Variants in ZYG11B observed in about 807,000 individuals in gnomAD.
The protein encoded by ZYG11B is protein zyg-11 homolog B.
Under a neutral mutation model 82.4 loss-of-function variants are expected in ZYG11B, and 36 were observed. The observed-to-expected ratio is 0.44, with a 90% CI of 0.33 to 0.58. The LOEUF is 0.58. Among genes scored for constraint, ZYG11B ranks in the 20% least tolerant of loss-of-function variants. The probability of loss-of-function intolerance (pLI) is 0.02; values close to 1 mark genes in which losing one functional copy is unlikely to be tolerated. For missense variants in ZYG11B, 552 were observed against 895.6 expected, an observed-to-expected ratio of 0.62 and a Z score of 4.90; for synonymous variants, 303 against 312.8, an observed-to-expected ratio of 0.97 and a Z score of 0.33.
intron 4 of ZYG11B, among the ~76,000 whole-genome samples, chr1:52,781,434 G>A (rs1318588928): frequency 6.6e-6 from 1 of 152,124 alleles, no homozygotes; most frequent in East Asian, 1.9e-4. Flanking sequence ...GGGAGGCAGA[G>A]GTTACAGCGA....
At position 52,726,634 on chromosome 1, in the gene ZYG11B, G is replaced by A; in HGVS notation, c.-20G>A. On this transcript the variant is annotated 5_prime_UTR_variant, in exon 1 of 14. Transcript: ENST00000294353. ...GCGGGCTCCGGTCCGGCCCGCCGCCGCACCCAGGACGGAGGCTGCATGCCC... is the reference window on the plus strand; with the variant it reads ...GCGGGCTCCGGTCCGGCCCGCCGCCACACCCAGGACGGAGGCTGCATGCCC... 2.1e-6 allele frequency: 3 copies of A among 1,451,734 alleles called. No homozygotes were observed. The highest frequency in any genetic ancestry group is 1.5e-5 in the African/African-American group (1 of 67,888). 89.9% of individuals were successfully genotyped at this position (1,451,734 alleles called of 1,614,324 possible).
rs769918685 is a variant in ZYG11B at position 52,756,564 on chromosome 1, A to C, written c.137A>C (p.Glu46Ala). The C allele has an allele frequency of 1.9e-6, 3 of 1,614,016 alleles. No individual in the cohort carries two copies. The highest frequency in any genetic ancestry group is 2.5e-6 in the Non-Finnish European group (3 of 1,180,038). Reference sequence around the variant, plus strand: ...CAAGATGGAACATTGTGTCTGCAGGAACCTGGAGTATTCCCACAGGAGGTG... The same window carrying C: ...CAAGATGGAACATTGTGTCTGCAGGCACCTGGAGTATTCCCACAGGAGGTG... ...ARQDGTLCLQ[E>A]PGVFPQEVAD... Residue 46 changes from glutamate (E) to alanine (A), a missense_variant, in exon 2 of 14, where the codon GAA becomes GCA. By Grantham distance (107) the Glu-to-Ala change is moderately radical (BLOSUM62 -1). Coordinates refer to ENST00000294353, the MANE Select transcript of ZYG11B (RefSeq NM_024646.3).
intron 2 of ZYG11B, among the ~76,000 whole-genome samples, chr1:52,766,883 C>T: frequency 6.6e-6 from 1 of 151,986 alleles, no homozygotes; most frequent in Non-Finnish European, 1.5e-5. Flanking sequence ...CAGCGTGTGC[C>T]TGTAGTCCCA....
At chr1:52,748,342 AAATT>A (rs1279467343) in intron 1 of ZYG11B, among the ~76,000 whole-genome samples, 1 of 152,082 alleles carries the variant, frequency 6.6e-6, no homozygotes, top group Non-Finnish European at 1.5e-5. Flanking sequence ...TCTGATATGT[AAATT>A]AATCTTTCTG....
At chr1:52,745,956 A>G (rs866129478) in intron 1 of ZYG11B, among the ~76,000 whole-genome samples, 1 of 144,964 alleles carries the variant, frequency 6.9e-6, no homozygotes, top group African/African-American at 2.7e-5. Context: ...TCGCTTGAAT[A>G]TTTAACTTTT....
chr1:52,756,815 CTTTTTTTTT>C (rs57189955), intron 2 of ZYG11B, among the ~76,000 whole-genome samples, 192 bp downstream of exon 2: 1 of 132,568 alleles, frequency 7.5e-6, no homozygotes, highest in African/African-American at 2.8e-5. Flanking sequence ...AAACATTTTT[CTTTTTTTTT>C]TTTTTTTTTC....
chr1:52,757,755 A>G (rs558174185), intron 2 of ZYG11B, among the ~76,000 whole-genome samples: 1 of 152,194 alleles, frequency 6.6e-6, no homozygotes, highest in South Asian at 2.1e-4. Context: ...TGGAAAAACT[A>G]ATTTCTGATT....
chr1:52,734,583 G>C (rs1644362437), intron 1 of ZYG11B, among the ~76,000 whole-genome samples: 1 of 151,204 alleles, frequency 6.6e-6, no homozygotes, highest in Admixed American at 6.6e-5. Flanking sequence ...CTGGGAGGCG[G>C]AGGTTGCAGT....
At chr1:52,816,121 T>TA (rs1645221937) in intron 12 of ZYG11B, among the ~76,000 whole-genome samples, 1 of 152,166 alleles carries the variant, frequency 6.6e-6, no homozygotes, top group Non-Finnish European at 1.5e-5. Context: ...TTCTCCAACT[T>TA]ATGTTCCACC....
intron 1 of ZYG11B, among the ~76,000 whole-genome samples, chr1:52,746,191 A>T (rs996024356): frequency 6.6e-6 from 1 of 151,882 alleles, no homozygotes; most frequent in Admixed American, 6.6e-5. Flanking sequence ...CGACCTCGTG[A>T]TCCACCCGCC....
intron 1 of ZYG11B, among the ~76,000 whole-genome samples, chr1:52,754,684 C>G (rs1269817488): frequency 6.6e-6 from 1 of 152,168 alleles, no homozygotes; most frequent in Non-Finnish European, 1.5e-5. Context: ...GCCCTTTTCA[C>G]TTTCTTTATG....
chr1:52,741,121 A>G (rs1386500760), intron 1 of ZYG11B, among the ~76,000 whole-genome samples: 1 of 151,402 alleles, frequency 6.6e-6, no homozygotes, highest in Non-Finnish European at 1.5e-5. Context: ...AACATGGTGA[A>G]ACCCCATCTC....
chr1:52,730,263 TA>T (rs1299691765), intron 1 of ZYG11B, among the ~76,000 whole-genome samples: 1 of 152,190 alleles, frequency 6.6e-6, no homozygotes, highest in East Asian at 1.9e-4. Flanking sequence ...TGACAGATAG[TA>T]AAATAGATGT....
At chr1:52,734,267 G>T (rs2149917701) in intron 1 of ZYG11B, among the ~76,000 whole-genome samples, 1 of 152,158 alleles carries the variant, frequency 6.6e-6, no homozygotes, top group African/African-American at 2.4e-5. Flanking sequence ...CAAAGTGCTG[G>T]GATGTCAAGC....
intron 13 of ZYG11B, 151 bp downstream of exon 13, chr1:52,816,780 CTTTTTT>C (rs71044423): frequency 2.9e-3 from 771 of 263,088 alleles, no homozygotes; most frequent in East Asian, 6.4e-3. Context: ...TTAAGGTATT[CTTTTTT>C]TTTTTTTTTT....
At chr1:52,803,125 TATATATATAC>T (rs1645097417) in intron 10 of ZYG11B, among the ~76,000 whole-genome samples, 4 of 88,898 alleles carry the variant, frequency 4.5e-5, no homozygotes, top group East Asian at 5.4e-4. Flanking sequence ...TATACACACA[TATATATATAC>T]ACACATATAT....
At chr1:52,799,790 G>A (rs754206103) in intron 8 of ZYG11B, among the ~76,000 whole-genome samples, 8 of 151,448 alleles carry the variant, frequency 5.3e-5, no homozygotes, top group African/African-American at 1.7e-4. Flanking sequence ...GTGAGACTCC[G>A]TCTCAAAAAA....
At chr1:52,794,495 G>A (rs536510076) in intron 6 of ZYG11B, among the ~76,000 whole-genome samples, 1 of 152,038 alleles carries the variant, frequency 6.6e-6, no homozygotes. Flanking sequence ...TTTATGTTTC[G>A]ATCACTGTAT....
At chr1:52,817,803 ATATATATATATATT>A (rs1645245039) in intron 13 of ZYG11B, among the ~76,000 whole-genome samples, 1 of 41,782 alleles carries the variant, frequency 2.4e-5, no homozygotes, top group South Asian at 1.0e-3. Context: ...ATATATATAT[ATATATATATATATT>A]TTTTTTTTTT....
Sources: gnomAD v4.1 joint callset for allele counts (sites outside exome capture counted in the v4.1 genomes callset) on GRCh38, gnomAD v4.1.1 for gene constraint, MANE v1.5 for transcripts, NCBI Gene and HGNC (gene_info 2026-07-23, HGNC 2026-07-21) for gene names.